ATG4B: variants seen among roughly 807,000 people sequenced by gnomAD.
ATG4B encodes the protein cysteine protease ATG4B.
A neutral mutation model predicts 56.6 loss-of-function variants in ATG4B; 29 were observed. The observed-to-expected ratio is 0.51, with a 90% CI of 0.38 to 0.70. The LOEUF (loss-of-function observed/expected upper bound fraction) is 0.70, where lower values mean the gene tolerates loss of function less well. ATG4B is among the 30% of genes least tolerant of loss of function. ATG4B has a pLI of 0.00. For missense variants in ATG4B, 461 were observed against 515.5 expected (o/e 0.89, Z 1.02); for synonymous variants, 224 against 206.1 (o/e 1.09, Z -0.74).
intron 1 of ATG4B, among the ~76,000 whole-genome samples, chr2:241,650,541 G>A (rs1446830187): frequency 2.0e-5 from 3 of 152,096 alleles, no homozygotes; most frequent in African/African-American, 7.2e-5. Context: ...TCTTTGCCCT[G>A]TTTCTTCTTG....
rs1377952441 is a variant in ATG4B, at chr2:241,666,841, G to C, written c.732+3G>C. ...AGGCCTACGTGGAGACGCTGAAGGT[G>C]GGTCCTGCCGTGCGGCGCTTGCCCT... On this transcript the variant is annotated splice_donor_region_variant and intron_variant, in intron 8 of 12. Transcript: ENST00000404914. 1.3e-6 allele frequency: 2 copies of C among 1,555,400 alleles called. No individual in the cohort carries two copies. Among genetic ancestry groups the C allele is most frequent in the East Asian group, 4.8e-5 (2 of 41,324 alleles).
At chr2:241,640,738 G>A (rs1476893295) in intron 1 of ATG4B, among the ~76,000 whole-genome samples, 2 of 152,226 alleles carry the variant, frequency 1.3e-5, no homozygotes, top group African/African-American at 4.8e-5. Context: ...ACTTAAAGCA[G>A]TGTAGGAGGA....
At position 241,644,841 on chromosome 2, in the gene ATG4B, C is replaced by T. The variant is rs554736844; in HGVS notation, c.11-6169C>T. ...GCACACACCTGTAATCCCAGCTACT[C>T]GGGAGGCTGAGGCAGGAGAATCGCT... is the stretch of plus-strand genomic sequence containing the variant. On this transcript the variant is annotated intron_variant, in intron 1 of 12. Coordinates refer to ENST00000404914, the MANE Select transcript of ATG4B (RefSeq NM_013325.5). 1.3e-4 allele frequency among the ~76,000 whole-genome samples: 19 copies of T among 151,608 alleles called. 2 individuals are homozygous for T. In the South Asian group the frequency reaches 3.8e-3, roughly 30 times the overall value.
intron 7 of ATG4B, chr2:241,659,426 G>A (rs1460663793): frequency 2.7e-5 from 16 of 587,900 alleles, no homozygotes; most frequent in East Asian, 1.8e-4. Context: ...GGTATCTCAC[G>A]TCGTGTTTTG....
At chr2:241,650,940 A>G (rs2068210385) in intron 1 of ATG4B, 70 bp from the exon 2 acceptor site, 1 of 1,286,914 alleles carries the variant, frequency 7.8e-7, no homozygotes, top group Non-Finnish European at 1.1e-6. Flanking sequence ...AAATGCTGTA[A>G]ATGGCCTCTT....
At position 241,673,800 on chromosome 2, in the gene ATG4B, C is replaced by T; in HGVS notation, c.*1536C>T. On this transcript the variant is annotated 3_prime_UTR_variant, in exon 13 of 13. Coordinates refer to ENST00000404914, the MANE Select transcript of ATG4B (RefSeq NM_013325.5). ...CTTAATGAAGAGAATGTTGTTCATT[C>T]TTAGTAGTATAGTTTGCAATTCTTA... is the stretch of plus-strand genomic sequence containing the variant. 2.2e-6 allele frequency: 1 copy of T among 451,936 alleles called. No individual in the cohort carries two copies. Among genetic ancestry groups the T allele is most frequent in the South Asian group, 1.6e-5 (1 of 64,462 alleles). The allele number at this position is 451,936 out of a possible 1,614,324, so 28.0% of individuals were successfully genotyped here.
At chr2:241,655,030 CTTATAGAAGGA>C (rs2068351992) in intron 5 of ATG4B, 1 of 589,584 alleles carries the variant, frequency 1.7e-6, no homozygotes, top group Admixed American at 3.1e-5. Context: ...TGTGTTTTCA[CTTATAGAAGGA>C]AGTGGTCCCT....
chr2:241,655,303 G>C lies in ATG4B; in HGVS notation c.418G>C (p.Gly140Arg). The C allele has an allele frequency of 6.2e-7, 1 of 1,612,270 alleles. No individual in the cohort carries two copies. Among genetic ancestry groups the C allele is most frequent in the Non-Finnish European group, 8.5e-7 (1 of 1,179,192 alleles). Residue 140 changes from glycine (G) to arginine (R), a missense_variant, in exon 6 of 13, where the codon GGC becomes CGC. Coordinates refer to ENST00000404914, the MANE Select transcript of ATG4B (RefSeq NM_013325.5). ...QMGVGEGKSIGQWYGPNTVAQ... is the reference protein window; with the variant it reads ...QMGVGEGKSIRQWYGPNTVAQ... ...GGGAGTTGGCGAAGGCAAGTCCATA[G>C]GCCAGTGGTACGGGCCCAACACTGT...
chr2:241,668,355 C>T lies in ATG4B; in HGVS notation c.811+134C>T. The T allele has an allele frequency of 7.3e-7, 1 of 1,378,570 alleles. No homozygotes were observed. The highest frequency in any genetic ancestry group is 1.0e-6 in the Non-Finnish European group (1 of 995,346). 85.4% of individuals were successfully genotyped at this position (1,378,570 alleles called of 1,614,324 possible). On this transcript the variant is annotated intron_variant, in intron 9 of 12. Transcript: ENST00000404914. This position sits in a 1 kb window ranked among gnomAD's most constrained non-coding sequence, Gnocchi z 4.2. ...AGCATGCCCTGGGGTTCATTTTCAGCCTGGTCGCGGGCGGCCTCCTGTGTG... is the reference window on the plus strand; with the variant it reads ...AGCATGCCCTGGGGTTCATTTTCAGTCTGGTCGCGGGCGGCCTCCTGTGTG...
chr2:241,655,159 T>C (rs2068357342), intron 5 of ATG4B, 112 bp from the exon 6 acceptor site: 2 of 1,033,136 alleles, frequency 1.9e-6, no homozygotes, highest in South Asian at 2.9e-5. Context: ...GTCTGGAGGC[T>C]GGGTCGGGTG....
intron 8 of ATG4B, chr2:241,667,931 C>T (rs1281402165): frequency 7.2e-6 from 4 of 558,252 alleles, no homozygotes; most frequent in African/African-American, 1.9e-5. Context: ...ATGAAGCTTC[C>T]CTGAGCTGAG....
chr2:241,637,768 C>T (rs1288004394), intron 1 of ATG4B, 44 bp downstream of exon 1: 1 of 1,554,350 alleles, frequency 6.4e-7, no homozygotes, highest in South Asian at 1.2e-5. Flanking sequence ...GAGGTGCTCG[C>T]CTTATCATTG....
intron 6 of ATG4B, among the ~76,000 whole-genome samples, chr2:241,657,832 C>G (rs948695310): frequency 6.6e-6 from 1 of 152,224 alleles, no homozygotes; most frequent in Non-Finnish European, 1.5e-5. Context: ...GGCCACTGCT[C>G]TGCCTTGAAC....
chr2:241,671,635 C>T (rs1130910), intron 12 of ATG4B: 31 of 1,467,320 alleles, frequency 2.1e-5, no homozygotes, highest in Admixed American at 1.0e-4. Context: ...GCTGCCTGCC[C>T]GGGCGCTGTG....
intron 10 of ATG4B, among the ~76,000 whole-genome samples, chr2:241,670,047 C>T (rs564780983): frequency 6.6e-6 from 1 of 152,136 alleles, no homozygotes. Flanking sequence ...GTCCCCTGTC[C>T]CCGGGGGAGA....
intron 7 of ATG4B, chr2:241,659,482 G>A (rs1221931049): frequency 6.9e-6 from 3 of 434,766 alleles, no homozygotes; most frequent in East Asian, 5.5e-5. Context: ...GTGCTTAGGC[G>A]CCCTCGTGTG....
chr2:241,647,075 T>C (rs867284369), intron 1 of ATG4B, among the ~76,000 whole-genome samples: 50 of 152,140 alleles, frequency 3.3e-4, no homozygotes, highest in African/African-American at 1.2e-3. Context: ...TGAGCCCCTG[T>C]GCCTGGCCTC....
rs183491925 is a variant in ATG4B, at chr2:241,651,652, G to A, written c.184+317G>A. On this transcript the variant is annotated intron_variant, in intron 3 of 12. Coordinates refer to ENST00000404914, the MANE Select transcript of ATG4B (RefSeq NM_013325.5). The surrounding 1 kb of genome is among the most constrained non-coding windows in gnomAD (Gnocchi z 4.1). ...ATAGAAAGCGGTGTGTGTCCGCCAC[G>A]GGCACGCAGCATGGCGCTTCAGGGA... Among the ~76,000 whole-genome samples the A allele has an allele frequency of 7.0e-4, 107 of 152,328 alleles. 1 individual carries two copies. Among genetic ancestry groups the A allele is most frequent in the Admixed American group, 6.9e-3 (105 of 15,300 alleles).
chr2:241,650,018 AG>A (rs2068182684), intron 1 of ATG4B, among the ~76,000 whole-genome samples: 1 of 152,146 alleles, frequency 6.6e-6, no homozygotes, highest in Admixed American at 6.5e-5. Flanking sequence ...TCCTGGCCTC[AG>A]GTGATCTGCC....
Sources: allele counts gnomAD v4.1 joint callset (sites outside exome capture counted in the v4.1 genomes callset), GRCh38; gene constraint gnomAD v4.1.1; non-coding constraint Gnocchi (gnomAD v3.1); transcripts MANE v1.5; gene names NCBI Gene and HGNC (gene_info 2026-07-23, HGNC 2026-07-21).